The following CCDC187 variants were observed in gnomAD, a reference collection of about 807,000 sequenced individuals.
The protein encoded by CCDC187 is coiled-coil domain containing 187, also known as coiled-coil domain-containing protein 187.
CCDC187 carries 32 observed loss-of-function variants against 38.0 expected under a neutral mutation model. The ratio of observed to expected loss-of-function variants is 0.84; its 90% CI spans 0.64 to 1.13. CCDC187 has a LOEUF of 1.13. Among genes scored for constraint, CCDC187 ranks in the 50% most tolerant of loss-of-function variants. The probability of loss-of-function intolerance (pLI) is 0.00; values close to 1 mark genes in which losing one functional copy is unlikely to be tolerated. For missense variants in CCDC187, 707 were observed against 786.8 expected, an observed-to-expected ratio of 0.90 and a Z score of 1.21; for synonymous variants, 333 against 347.9, an observed-to-expected ratio of 0.96 and a Z score of 0.48.
intron 14 of CCDC187, among the ~76,000 whole-genome samples, chr9:136,271,352 T>C (rs1409694490): frequency 6.6e-6 from 1 of 151,794 alleles, no homozygotes; most frequent in East Asian, 2.0e-4. Context: ...TGAAATCCTG[T>C]CTCTACAAAA....
intron 19 of CCDC187, 39 bp from the exon 20 acceptor site, chr9:136,260,303 G>A (rs1011704982): frequency 2.5e-5 from 25 of 984,746 alleles, no homozygotes; most frequent in Non-Finnish European, 1.1e-5. Flanking sequence ...CGCCCGCCCG[G>A]CTGCCCCTTC....
chr9:136,292,868 G>A (rs1480725259), intron 4 of CCDC187, among the ~76,000 whole-genome samples: 2 of 152,240 alleles, frequency 1.3e-5, no homozygotes, highest in African/African-American at 4.8e-5. Flanking sequence ...AGGGCAGGGA[G>A]TCCCGGGCAT....
chr9:136,300,644 C>CT (rs1831656066), intron 2 of CCDC187, among the ~76,000 whole-genome samples: 4 of 150,698 alleles, frequency 2.7e-5, no homozygotes, highest in Non-Finnish European at 5.9e-5. Context: ...GTCGCCCAGG[C>CT]TGGAGTGCCA....
chr9:136,256,231 G>A lies in CCDC187; in HGVS notation c.4596C>T (p.Ser1532=). ...SPVEESQETE[S]WRSGEQRTEA... is the part of the protein sequence containing the mutation. Reference sequence around the variant, plus strand: ...CACACCTCTGCTCCCCCGATCGCCAGCTCTCGGTTTCCTGGGACTCCTCCA... The same window carrying A: ...CACACCTCTGCTCCCCCGATCGCCAACTCTCGGTTTCCTGGGACTCCTCCA... The change falls in exon 24 of 26, where the codon AGC becomes AGT. Residue 1532 remains serine, a synonymous_variant. Transcript: ENST00000638797. 3.0e-6 allele frequency: 3 copies of A among 985,610 alleles called. No homozygotes were observed. Among genetic ancestry groups the A allele is most frequent in the Non-Finnish European group, 3.6e-6 (3 of 830,068 alleles). 61.1% of individuals were successfully genotyped at this position (985,610 alleles called of 1,614,324 possible).
rs886164570 is a variant in CCDC187, at chr9:136,285,617, A to G, written c.2834-11T>C. 3 of 400,002 alleles carry G rather than the reference A, an allele frequency of 7.5e-6. No individual in the cohort carries two copies. Among genetic ancestry groups the G allele is most frequent in the African/African-American group, 2.1e-5 (1 of 48,614 alleles). The allele number at this position is 400,002 out of a possible 1,614,324, so 24.8% of individuals were successfully genotyped here. ...CCTCCTCTGGAAAACCTTGGAGAAGAGGGCACCTGGCTTCACTCCCTGGTC... is the reference window on the plus strand; with the variant it reads ...CCTCCTCTGGAAAACCTTGGAGAAGGGGGCACCTGGCTTCACTCCCTGGTC... On this transcript the variant is annotated splice_polypyrimidine_tract_variant and intron_variant, in intron 8 of 25. Transcript: ENST00000638797.
At position 136,286,071 on chromosome 9, in the gene CCDC187, G is replaced by T. The variant is rs1421748767; in HGVS notation, c.2833+14C>A. The T allele has an allele frequency of 7.5e-6, 3 of 398,272 alleles. No homozygotes were observed. The highest frequency in any genetic ancestry group is 4.1e-5 in the African/African-American group (2 of 48,640). The allele number at this position is 398,272 out of a possible 1,614,324, so 24.7% of individuals were successfully genotyped here. On this transcript the variant is annotated intron_variant, in intron 8 of 25. Transcript: ENST00000638797. Reference sequence around the variant, plus strand: ...GGCCACCCAGCGGTCACCGTGTCCCGGGTGCCGGCCTACCTCGGGGCTTGC... The same window carrying T: ...GGCCACCCAGCGGTCACCGTGTCCCTGGTGCCGGCCTACCTCGGGGCTTGC...
At chr9:136,294,001 T>C (rs1460576008) in intron 4 of CCDC187, among the ~76,000 whole-genome samples, 6 of 133,510 alleles carry the variant, frequency 4.5e-5, no homozygotes, top group South Asian at 5.4e-4. Flanking sequence ...CTCACACTCA[T>C]ATACACACGC....
chr9:136,263,641 G>T lies in CCDC187; in HGVS notation c.3893C>A (p.Ala1298Asp). ...TDVVPAHELQ[A>D]QAKLQQGSSP... ...ACCCACCTGCTGCAGCTTGGCCTGG[G>T]CCTGCAGCTCGTGCGCTGGGACGAC... The change falls in exon 18 of 26, where the codon GCC becomes GAC. Residue 1298 changes from alanine (A) to aspartate (D), a missense_variant. Ala to Asp is a moderately radical substitution (Grantham distance 126, BLOSUM62 -2). Coordinates refer to ENST00000638797, the MANE Select transcript of CCDC187 (RefSeq NM_001378188.1). 1 of 985,468 alleles carries T rather than the reference G, an allele frequency of 1.0e-6. No individual in the cohort carries two copies. Among genetic ancestry groups the T allele is most frequent in the Non-Finnish European group, 1.2e-6 (1 of 829,940 alleles). The allele number at this position is 985,468 out of a possible 1,614,324, so 61.0% of individuals were successfully genotyped here.
At chr9:136,293,404 AACACT>A (rs1831415912) in intron 4 of CCDC187, among the ~76,000 whole-genome samples, 1 of 52,930 alleles carries the variant, frequency 1.9e-5, no homozygotes, top group East Asian at 6.2e-4. Flanking sequence ...CACACTCACA[AACACT>A]CACATGCTCA....
chr9:136,303,128 G>C lies in CCDC187; in HGVS notation c.309C>G (p.Gly103=). Residue 103 remains glycine, a synonymous_variant, in exon 2 of 26, where the codon GGC becomes GGG. Transcript: ENST00000638797. ...KACSLPMWST[G]PEARDGDSSV... is the part of the protein sequence containing the mutation. ...AGCTGTCCCCATCCCTAGCCTCCGG[G>C]CCTGTGGACCACATGGGCAGGCTGC... 2.5e-6 allele frequency: 1 copy of C among 398,688 alleles called. No homozygotes were observed. Among genetic ancestry groups the C allele is most frequent in the Non-Finnish European group, 4.4e-6 (1 of 226,088 alleles). The allele number at this position is 398,688 out of a possible 1,614,324, so 24.7% of individuals were successfully genotyped here.
At chr9:136,280,282 G>A (rs951429234) in intron 10 of CCDC187, among the ~76,000 whole-genome samples, 12 of 152,208 alleles carry the variant, frequency 7.9e-5, no homozygotes, top group African/African-American at 1.4e-4. Context: ...TGTAAGGGCC[G>A]GGGCCTGCTC....
intron 9 of CCDC187, among the ~76,000 whole-genome samples, chr9:136,284,583 T>C (rs1245313414): frequency 6.6e-6 from 1 of 152,004 alleles, no homozygotes; most frequent in Non-Finnish European, 1.5e-5. Flanking sequence ...CCTGGCAGTA[T>C]GCGGTGTGCA....
Position 136,258,215 on chromosome 9 carries a change from C to T in CCDC187, c.4366+717G>A, listed in dbSNP as rs73560782. On this transcript the variant is annotated intron_variant, in intron 22 of 25. Coordinates refer to ENST00000638797, the MANE Select transcript of CCDC187 (RefSeq NM_001378188.1). This position sits in a 1 kb window ranked among gnomAD's most constrained non-coding sequence, Gnocchi z 4.3. Reference sequence around the variant, plus strand: ...CAGGGAGCCCCACCAGCCACGCTCTCCTGGGCAGCCCCACAAGTGCTTCTG... The same window carrying T: ...CAGGGAGCCCCACCAGCCACGCTCTTCTGGGCAGCCCCACAAGTGCTTCTG... 0.015 allele frequency among the ~76,000 whole-genome samples: 2,327 copies of T among 152,310 alleles called. 74 individuals carry two copies. The highest frequency in any genetic ancestry group is 0.052 in the African/African-American group (2,158 of 41,570).
At chr9:136,293,402 C>T (rs1368609604) in intron 4 of CCDC187, among the ~76,000 whole-genome samples, 9 of 87,654 alleles carry the variant, frequency 1.0e-4, no homozygotes, top group African/African-American at 4.1e-4. Flanking sequence ...CACACACTCA[C>T]AAACACTCAC....
rs1216229373 is a variant in CCDC187 at position 136,290,535 on chromosome 9, C to T, written c.2078G>A (p.Arg693Gln). ...AAAGGTCACGATGCCAGGGGTGGTC[C>T]GGGAGACCACGGGGACCGCCCTGCC... ...VLGRAVPVVSRTTPGIVTFVP... is the reference protein window; with the variant it reads ...VLGRAVPVVSQTTPGIVTFVP... The change falls in exon 6 of 26, where the codon CGG becomes CAG. Residue 693 changes from arginine (R) to glutamine (Q), a missense_variant. Transcript: ENST00000638797. 7.5e-6 allele frequency: 3 copies of T among 398,712 alleles called. No individual in the cohort carries two copies. The highest frequency in any genetic ancestry group is 1.3e-4 in the South Asian group (1 of 7,874). 24.7% of individuals were successfully genotyped at this position (398,712 alleles called of 1,614,324 possible).
chr9:136,256,108 A>G, intron 24 of CCDC187, 103 bp downstream of exon 24: 1 of 535,216 alleles, frequency 1.9e-6, no homozygotes, highest in Non-Finnish European at 2.4e-6. Context: ...CAGGTGTGCC[A>G]GGAGAGAGTG....
upstream of CCDC187, among the ~76,000 whole-genome samples, chr9:136,304,682 C>T (rs973607508): frequency 7.8e-4 from 119 of 152,314 alleles, no homozygotes; most frequent in Non-Finnish European, 1.5e-3. Flanking sequence ...CAGCTCCTTC[C>T]CCACCCCCAC....
At chr9:136,294,026 A>ACT (rs1831465112) in intron 4 of CCDC187, among the ~76,000 whole-genome samples, 1 of 146,292 alleles carries the variant, frequency 6.8e-6, no homozygotes, top group African/African-American at 2.7e-5. Flanking sequence ...ACATGCTCTC[A>ACT]CACACACACT....
In CCDC187 at chr9:136,270,715, T is replaced by C. The variant is rs564856969; in HGVS notation, c.3443-2590A>G. Among the ~76,000 whole-genome samples the C allele has an allele frequency of 2.0e-5, 3 of 152,208 alleles. No homozygotes were observed. The South Asian group carries it at 6.2e-4, about 32-fold the overall frequency. On this transcript the variant is annotated intron_variant, in intron 14 of 25. Transcript: ENST00000638797. The stretch of plus-strand genomic sequence containing the variant: ...CCTGACTCCTCCAAGGAAAGGAGAC[T>C]CCCTTTCATGGTCAGCTAAGTAACG...
Sources: gnomAD v4.1 joint callset for allele counts (sites outside exome capture counted in the v4.1 genomes callset) on GRCh38, gnomAD v4.1.1 for gene constraint, Gnocchi (gnomAD v3.1) non-coding constraint, MANE v1.5 for transcripts, NCBI Gene and HGNC (gene_info 2026-07-23, HGNC 2026-07-21) for gene names.